The following ZNF600 variants were observed in gnomAD, a reference collection of about 807,000 sequenced individuals.
ZNF600 encodes the protein zinc finger protein 600.
Under a neutral mutation model 7.3 loss-of-function variants are expected in ZNF600, and 4 were observed. The observed-to-expected ratio is 0.55, with a 90% CI of 0.27 to 1.25. The LOEUF (loss-of-function observed/expected upper bound fraction) is 1.25, where lower values mean the gene tolerates loss of function less well. Among genes scored for constraint, ZNF600 ranks in the 50% most tolerant of loss-of-function variants. The pLI, the probability that ZNF600 is intolerant of heterozygous loss-of-function variation, is 0.12. For synonymous variants in ZNF600, 290 were observed against 308.9 expected, an observed-to-expected ratio of 0.94 and a Z score of 0.64; for missense variants, 911 against 922.1, an observed-to-expected ratio of 0.99 and a Z score of 0.16.
At chr19:52,803,010 C>T in the ZNF600 span, among the ~76,000 whole-genome samples, 793 of 152,172 alleles carry the variant, frequency 5.2e-3, 10 homozygotes, top group African/African-American at 0.018. Flanking sequence ...ATCCCCTTGC[C>T]TCAGCCTCCC....
chr19:52,802,683 A>G, the ZNF600 span, among the ~76,000 whole-genome samples: 5 of 152,194 alleles, frequency 3.3e-5, no homozygotes, highest in African/African-American at 1.2e-4. Context: ...TCTCAAAAAA[A>G]GGAAAATGTT....
chr19:52,795,023 T>C, the ZNF600 span, among the ~76,000 whole-genome samples: 2 of 152,200 alleles, frequency 1.3e-5, no homozygotes, highest in African/African-American at 2.4e-5. Context: ...TAGCTATAAG[T>C]GTTTAAAACA....
chr19:52,818,760 G>A, the ZNF600 span, among the ~76,000 whole-genome samples: 1 of 150,776 alleles, frequency 6.6e-6, no homozygotes, highest in East Asian at 2.0e-4. Context: ...GCACACACCT[G>A]TAATCTTAGC....
At chr19:52,829,765 G>C in the ZNF600 span, among the ~76,000 whole-genome samples, 1 of 152,124 alleles carries the variant, frequency 6.6e-6, no homozygotes, top group East Asian at 1.9e-4. Flanking sequence ...ACCCCCCTCA[G>C]CCTCCCAAAG....
In ZNF600 at chr19:52,774,997, C is replaced by T. The variant is rs541158863; in HGVS notation, c.64-296G>A. Among the ~76,000 whole-genome samples the T allele has an allele frequency of 5.3e-5, 8 of 152,166 alleles. No homozygotes were observed. In the South Asian group the frequency reaches 1.2e-3, roughly 24 times the overall value. On this transcript the variant is annotated intron_variant, in intron 2 of 3. Coordinates refer to ENST00000648973, the Ensembl canonical transcript of ZNF600. ...GTTCACACCTGTAATCCTAACACTT[C>T]GGGAGGCCAAGGCGGGCAGATTATT...
the ZNF600 span, chr19:52,817,992 G>A: frequency 2.0e-4 from 319 of 1,609,684 alleles, 1 homozygote; most frequent in African/African-American, 3.9e-3. Flanking sequence ...TCCTCTTCTG[G>A]GTTTCTTCCT....
the ZNF600 span, among the ~76,000 whole-genome samples, chr19:52,830,827 A>G: frequency 0.045 from 6,525 of 145,874 alleles, 557 homozygotes; most frequent in African/African-American, 0.16. Context: ...AAGGGTGGAG[A>G]GCAGGAAGTA....
chr19:52,777,778 G>A (rs1231774271), intron 2 of ZNF600, among the ~76,000 whole-genome samples: 2 of 152,008 alleles, frequency 1.3e-5, no homozygotes, highest in Non-Finnish European at 2.9e-5. Flanking sequence ...GCAGTGAGCC[G>A]AGATCATTCC....
the ZNF600 span, among the ~76,000 whole-genome samples, chr19:52,811,260 C>T: frequency 2.6e-4 from 39 of 151,652 alleles, no homozygotes; most frequent in Admixed American, 2.3e-3. Context: ...ACCTCCCAGC[C>T]GCCTGCCTTG....
chr19:52,827,618 C>G, the ZNF600 span, among the ~76,000 whole-genome samples: 1 of 151,044 alleles, frequency 6.6e-6, no homozygotes, highest in East Asian at 1.9e-4. Context: ...GGTGTCTGCT[C>G]ACTGCAAGTT....
At chr19:52,768,675 A>T (rs2062608371) in intron 3 of ZNF600, among the ~76,000 whole-genome samples, 1 of 151,874 alleles carries the variant, frequency 6.6e-6, no homozygotes, top group Admixed American at 6.6e-5. Flanking sequence ...CCTCCTGAGT[A>T]CCTGGGGTTA....
At chr19:52,783,786 T>TTTTG (rs745692933) in intron 1 of ZNF600, among the ~76,000 whole-genome samples, 29 of 152,136 alleles carry the variant, frequency 1.9e-4, no homozygotes, top group Admixed American at 4.6e-4. Flanking sequence ...CTTTTTTGTT[T>TTTTG]TTTGTTTGTT....
the ZNF600 span, among the ~76,000 whole-genome samples, chr19:52,794,625 T>G: frequency 1.3e-5 from 2 of 152,008 alleles, no homozygotes; most frequent in Non-Finnish European, 1.5e-5. Context: ...GAGGCTGAAG[T>G]GGGTAGACCA....
chr19:52,810,515 A>C, the ZNF600 span: 1 of 1,592,394 alleles, frequency 6.3e-7, no homozygotes, highest in South Asian at 1.1e-5. Flanking sequence ...AAGGCAAATC[A>C]AGGTGATCCC....
intron 1 of ZNF600, among the ~76,000 whole-genome samples, chr19:52,785,414 T>A (rs2062755750): frequency 6.6e-6 from 1 of 151,884 alleles, no homozygotes; most frequent in Non-Finnish European, 1.5e-5. Flanking sequence ...CGCTCCCAGC[T>A]AATTTTATAT....
chr19:52,776,953 CA>C (rs915191675), intron 2 of ZNF600, among the ~76,000 whole-genome samples: 2 of 151,994 alleles, frequency 1.3e-5, no homozygotes, highest in Admixed American at 1.3e-4. Flanking sequence ...AAAATCACCC[CA>C]CTGCACTCCT....
the ZNF600 span, chr19:52,810,416 T>C: frequency 1.9e-6 from 3 of 1,604,076 alleles, no homozygotes; most frequent in East Asian, 4.5e-5. Context: ...GTGACAAATT[T>C]AGTGGCCATC....
exon 3 of ZNF600, chr19:52,774,633 C>A: frequency 1.0e-6 from 1 of 985,246 alleles, no homozygotes; most frequent in Non-Finnish European, 1.2e-6. Context: ...AAGCCCTCTG[C>A]GAAGGGTTCA....
At chr19:52,815,634 C>A in the ZNF600 span, among the ~76,000 whole-genome samples, 1 of 146,468 alleles carries the variant, frequency 6.8e-6, no homozygotes, top group Non-Finnish European at 1.5e-5. Context: ...ACCATCCTGG[C>A]TACCACAATG....
Sources: gnomAD v4.1 joint callset for allele counts (sites outside exome capture counted in the v4.1 genomes callset) on GRCh38, gnomAD v4.1.1 for gene constraint, MANE v1.5 for transcripts, NCBI Gene and HGNC (gene_info 2026-07-23, HGNC 2026-07-21) for gene names.